Variants in ADAMTS16 observed in about 807,000 individuals in gnomAD.
ADAMTS16 encodes the protein A disintegrin and metalloproteinase with thrombospondin motifs 16.
Under a neutral mutation model 145.8 loss-of-function variants are expected in ADAMTS16, and 94 were observed. That is an observed-to-expected ratio of 0.64 (90% CI 0.55 to 0.77). The LOEUF is 0.77. Among genes scored for constraint, ADAMTS16 ranks in the 30% least tolerant of loss-of-function variants. The pLI is 0.00. For synonymous variants in ADAMTS16, 659 were observed against 604.3 expected (o/e 1.09, Z -1.33); for missense variants, 1,585 against 1,591.5 (o/e 1.00, Z 0.07).
intron 18 of ADAMTS16, among the ~76,000 whole-genome samples, chr5:5,291,405 C>T (rs1739311538): frequency 6.6e-6 from 1 of 152,080 alleles, no homozygotes; most frequent in African/African-American, 2.4e-5. Flanking sequence ...AGGCAGGGGA[C>T]AGGATGAGGA....
rs1457120234 is a variant in ADAMTS16 at position 5,239,219 on chromosome 5, T to C, written c.2223T>C (p.Asn741=). ...VEDVCGVCNG[N]NSACTIHRGL... is the part of the protein sequence containing the mutation. Reference sequence around the variant, plus strand: ...ACGTCTGTGGGGTGTGTAACGGGAATAACTCAGCCTGCACGATTCACAGGG... The same window carrying C: ...ACGTCTGTGGGGTGTGTAACGGGAACAACTCAGCCTGCACGATTCACAGGG... The change falls in exon 15 of 23, where the codon AAT becomes AAC. Residue 741 remains asparagine, a synonymous_variant. Coordinates refer to ENST00000274181, the MANE Select transcript of ADAMTS16 (RefSeq NM_139056.4). The C allele has an allele frequency of 7.5e-6, 12 of 1,603,956 alleles. No homozygotes were observed. Among genetic ancestry groups the C allele is most frequent in the Non-Finnish European group, 1.0e-5 (12 of 1,175,820 alleles).
chr5:5,200,157 G>A lies in ADAMTS16; in HGVS notation c.1339G>A (p.Gly447Arg). Residue 447 changes from glycine (G) to arginine (R), a missense_variant, in exon 9 of 23, where the codon GGG (glycine) becomes AGG (arginine). Around this residue, in one of 3 missense-constraint regions of ADAMTS16, gnomAD observed 298 missense variants for 367.6 expected, o/e 0.81. Coordinates refer to ENST00000274181, the MANE Select transcript of ADAMTS16 (RefSeq NM_139056.4). ...HNFGMIHDGEGNMCKKSEGNI... is the reference protein window; with the variant it reads ...HNFGMIHDGERNMCKKSEGNI... Reference sequence around the variant, plus strand: ...CTTTGGCATGATTCATGATGGAGAAGGGAACATGTGCAAAAAGTCCGAGGG... The same window carrying A: ...CTTTGGCATGATTCATGATGGAGAAAGGAACATGTGCAAAAAGTCCGAGGG... 1.2e-6 allele frequency: 2 copies of A among 1,612,900 alleles called. No homozygotes were observed. The highest frequency in any genetic ancestry group is 1.7e-6 in the Non-Finnish European group (2 of 1,179,500).
chr5:5,304,680 G>C lies in ADAMTS16; in HGVS notation c.3186+914G>C, dbSNP rs778257162. Among the ~76,000 whole-genome samples, 12 of 152,076 alleles carry C rather than the reference G, an allele frequency of 7.9e-5. 1 individual carries two copies. The highest frequency in any genetic ancestry group is 1.5e-4 in the Non-Finnish European group (10 of 68,012). On this transcript the variant is annotated intron_variant, in intron 20 of 22. Coordinates refer to ENST00000274181, the MANE Select transcript of ADAMTS16 (RefSeq NM_139056.4). ...GCCAAGCAAGGCATTGAATCCTGTTGAGACTCTGTTTCAGTTTGTTACTAA... is the reference window on the plus strand; with the variant it reads ...GCCAAGCAAGGCATTGAATCCTGTTCAGACTCTGTTTCAGTTTGTTACTAA...
At chr5:5,237,875 T>C (rs1032555677) in intron 14 of ADAMTS16, among the ~76,000 whole-genome samples, 3 of 151,832 alleles carry the variant, frequency 2.0e-5, no homozygotes, top group African/African-American at 7.3e-5. Context: ...AGGGAAGGGG[T>C]GGAAAAAAAT....
At chr5:5,280,359 G>T (rs1738856668) in intron 18 of ADAMTS16, among the ~76,000 whole-genome samples, 1 of 152,178 alleles carries the variant, frequency 6.6e-6, no homozygotes, top group Non-Finnish European at 1.5e-5. Flanking sequence ...CAATGGAGGG[G>T]TGTGTGTGTT....
intron 3 of ADAMTS16, among the ~76,000 whole-genome samples, chr5:5,146,681 A>G (rs1272483230): frequency 6.6e-6 from 1 of 152,190 alleles, no homozygotes. Flanking sequence ...CTGTTCTAGA[A>G]TTATTGTGGA....
chr5:5,170,876 T>A (rs1735025550), intron 3 of ADAMTS16, among the ~76,000 whole-genome samples: 1 of 152,206 alleles, frequency 6.6e-6, no homozygotes, highest in Admixed American at 6.5e-5. Flanking sequence ...AGGGATCCCA[T>A]TGGTCCATTT....
chr5:5,311,109 G>A (rs1740409221), intron 21 of ADAMTS16, among the ~76,000 whole-genome samples: 1 of 151,984 alleles, frequency 6.6e-6, no homozygotes, highest in Non-Finnish European at 1.5e-5. Context: ...CCAGGACATT[G>A]AGAAGTGAGG....
intron 18 of ADAMTS16, among the ~76,000 whole-genome samples, chr5:5,273,986 T>G (rs533099145): frequency 6.6e-6 from 1 of 152,356 alleles, no homozygotes; most frequent in East Asian, 1.9e-4. Flanking sequence ...TTTTGTTTGC[T>G]TGATTTTCAT....
chr5:5,273,695 A>G (rs1250524930), intron 18 of ADAMTS16, among the ~76,000 whole-genome samples: 1 of 152,196 alleles, frequency 6.6e-6, no homozygotes, highest in Non-Finnish European at 1.5e-5. Context: ...GGAAAATGTG[A>G]CTTTGCACCA....
intron 3 of ADAMTS16, among the ~76,000 whole-genome samples, chr5:5,155,511 A>C (rs1734578340): frequency 6.6e-6 from 1 of 152,196 alleles, no homozygotes; most frequent in Non-Finnish European, 1.5e-5. Context: ...CAACAACTAC[A>C]AGAATATACT....
intron 7 of ADAMTS16, 37 bp from the exon 8 acceptor site, chr5:5,191,648 C>A: frequency 6.6e-7 from 1 of 1,514,968 alleles, no homozygotes; most frequent in Non-Finnish European, 9.1e-7. Context: ...TTTATTACAA[C>A]ACCGCTATGT....
At chr5:5,282,266 T>A (rs988449056) in intron 18 of ADAMTS16, among the ~76,000 whole-genome samples, 2 of 152,184 alleles carry the variant, frequency 1.3e-5, no homozygotes, top group African/African-American at 4.8e-5. Flanking sequence ...ACATGACACA[T>A]TTAGAAAGTT....
intron 3 of ADAMTS16, among the ~76,000 whole-genome samples, chr5:5,152,410 A>T (rs1025287051): frequency 1.3e-5 from 2 of 152,224 alleles, no homozygotes; most frequent in Admixed American, 6.5e-5. Context: ...TGTCGGCCTG[A>T]TAAGCCTGGA....
chr5:5,154,639 T>C (rs573509177), intron 3 of ADAMTS16, among the ~76,000 whole-genome samples: 2 of 152,254 alleles, frequency 1.3e-5, no homozygotes, highest in South Asian at 2.1e-4. Context: ...ACTTGGGCAA[T>C]ATCACAAAGT....
chr5:5,263,401 T>A (rs1738107015), intron 18 of ADAMTS16, among the ~76,000 whole-genome samples: 3 of 152,238 alleles, frequency 2.0e-5, no homozygotes, highest in African/African-American at 7.2e-5. Context: ...AAGGCCTTCA[T>A]CCCTCTGGTC....
chr5:5,160,547 C>A (rs960391359), intron 3 of ADAMTS16, among the ~76,000 whole-genome samples: 1 of 152,076 alleles, frequency 6.6e-6, no homozygotes, highest in African/African-American at 2.4e-5. Context: ...TCTATGCCCA[C>A]GTATTTGAAA....
In ADAMTS16 at chr5:5,190,109, A is replaced by G. The variant is rs749286799; in HGVS notation, c.1186A>G (p.Asn396Asp). ...TGGTCTGGATATATGTTCCTGGAAG[A>G]ATGAGCCCTGTGACACTTTGGGTGA... ...LTGLDICSWKNEPCDTLGFAP... is the reference protein window; with the variant it reads ...LTGLDICSWKDEPCDTLGFAP... The change falls in exon 7 of 23, where the codon AAT (asparagine) becomes GAT (aspartate). Residue 396 changes from asparagine to aspartate, a missense_variant. Physicochemically the swap from Asn to Asp is conservative, Grantham distance 23. This residue lies in a region of ADAMTS16 where 298 missense variants were observed against 367.6 expected (regional missense o/e 0.81). Coordinates refer to ENST00000274181, the MANE Select transcript of ADAMTS16 (RefSeq NM_139056.4). 7.5e-6 allele frequency: 12 copies of G among 1,602,872 alleles called. No individual in the cohort carries two copies. The highest frequency in any genetic ancestry group is 1.0e-5 in the Non-Finnish European group (12 of 1,174,598).
chr5:5,252,205 C>T (rs1251470115), intron 17 of ADAMTS16, among the ~76,000 whole-genome samples: 2 of 152,140 alleles, frequency 1.3e-5, no homozygotes, highest in African/African-American at 4.8e-5. Flanking sequence ...AGTCGCTTTC[C>T]ATTGTGTTTT....
Sources: gnomAD v4.1 joint callset for allele counts (sites outside exome capture counted in the v4.1 genomes callset) on GRCh38, gnomAD v4.1.1 for gene constraint, gnomAD v4.1.1 regional missense constraint, MANE v1.5 for transcripts, NCBI Gene and HGNC (gene_info 2026-07-23, HGNC 2026-07-21) for gene names.